Variants in BCL9 observed in about 807,000 individuals in gnomAD.
The protein encoded by BCL9 is BCL9 transcription coactivator, also known as B-cell CLL/lymphoma 9 protein.
A neutral mutation model predicts 88.5 loss-of-function variants in BCL9; 25 were observed. The observed-to-expected ratio is 0.28, with a 90% confidence interval of 0.21 to 0.39. The LOEUF is 0.39. BCL9 is among the 10% of genes least tolerant of loss of function. The pLI, the probability that BCL9 is intolerant of heterozygous loss-of-function variation, is 1.00. For synonymous variants in BCL9, 711 were observed against 673.3 expected (o/e 1.06, Z -0.87); for missense variants, 1,817 against 1,877.8 (o/e 0.97, Z 0.60).
intron 3 of BCL9, among the ~76,000 whole-genome samples, chr1:147,609,205 A>T (rs587608520): frequency 6.6e-6 from 1 of 152,314 alleles, no homozygotes; most frequent in African/African-American, 2.4e-5. Context: ...CAGTCCTTAA[A>T]GGTGGTTAAA....
In BCL9 at chr1:147,559,695, A is replaced by G. The variant is rs199624806; in HGVS notation, c.-478+18021A>G. The stretch of plus-strand genomic sequence containing the variant: ...TTTTGACCCCAAGGAGCCAAATGTT[A>G]TAATAGAAATGTACTCTCTTCCTTC... On this transcript the variant is annotated intron_variant, in intron 1 of 9. Coordinates refer to ENST00000234739, the MANE Select transcript of BCL9 (RefSeq NM_004326.4). Among the ~76,000 whole-genome samples, 18 of 152,332 alleles carry G rather than the reference A, an allele frequency of 1.2e-4. No individual in the cohort carries two copies. The East Asian group carries it at 1.3e-3, about 11-fold the overall frequency.
chr1:147,620,817 A>G lies in BCL9; in HGVS notation c.2662A>G (p.Thr888Ala). 6.2e-7 allele frequency: 1 copy of G among 1,613,838 alleles called. No individual in the cohort carries two copies. ...SPSGNLKSPQTPSQLAGMLAG... is the reference protein window; with the variant it reads ...SPSGNLKSPQAPSQLAGMLAG... ...CTCGGGGAACCTCAAGTCCCCCCAG[A>G]CTCCATCGCAGCTGGCAGGCATGCT... The change falls in exon 8 of 10, where the codon ACT (threonine) becomes GCT (alanine). Residue 888 changes from threonine (T) to alanine (A), a missense_variant. Physicochemically the swap from Thr to Ala is moderately conservative, Grantham distance 58. Coordinates refer to ENST00000234739, the MANE Select transcript of BCL9 (RefSeq NM_004326.4).
At chr1:147,571,098 G>A (rs1450526589) in intron 1 of BCL9, among the ~76,000 whole-genome samples, 4 of 152,054 alleles carry the variant, frequency 2.6e-5, no homozygotes, top group African/African-American at 9.7e-5. Context: ...ACGTTCCAAG[G>A]CATGTCTCAT....
chr1:147,585,693 T>C (rs1476319871), intron 1 of BCL9, among the ~76,000 whole-genome samples: 10 of 152,184 alleles, frequency 6.6e-5, no homozygotes, highest in South Asian at 6.2e-4. Context: ...TTTATTATTA[T>C]GGTGAACTGG....
At chr1:147,561,373 A>C (rs942982069) in intron 1 of BCL9, among the ~76,000 whole-genome samples, 1 of 152,182 alleles carries the variant, frequency 6.6e-6, no homozygotes, top group African/African-American at 2.4e-5. Flanking sequence ...GCAACTCCCA[A>C]GTGACTTGTT....
intron 3 of BCL9, among the ~76,000 whole-genome samples, chr1:147,609,556 A>G (rs1397220490): frequency 2.6e-5 from 4 of 152,274 alleles, no homozygotes; most frequent in African/African-American, 9.6e-5. Context: ...ATGCCTGTCA[A>G]TCAAAGTCAG....
rs1553205885 is a variant in BCL9 at position 147,623,827 on chromosome 1, T to C, written c.3164-15T>C. 5 of 1,594,544 alleles carry C rather than the reference T, an allele frequency of 3.1e-6. No homozygotes were observed. The Admixed American group carries it at 8.7e-5, about 28-fold the overall frequency. ...TTTGGTTAAGTTGATTCCTTTGATA[T>C]CTTTATTTTTCTAGGAATGGGCATT... On this transcript the variant is annotated splice_polypyrimidine_tract_variant and intron_variant, in intron 9 of 9. Transcript: ENST00000234739.
intron 1 of BCL9, among the ~76,000 whole-genome samples, chr1:147,557,263 T>C (rs1553195553): frequency 6.6e-6 from 1 of 152,186 alleles, no homozygotes; most frequent in African/African-American, 2.4e-5. Context: ...CTAGATACAT[T>C]CTTATGTGAG....
At chr1:147,584,411 C>T (rs1553198940) in intron 1 of BCL9, among the ~76,000 whole-genome samples, 2 of 152,154 alleles carry the variant, frequency 1.3e-5, no homozygotes, top group South Asian at 2.1e-4. Context: ...CTCTGGCCTA[C>T]AGAACCTCTG....
chr1:147,616,718 G>A (rs939437019), intron 7 of BCL9, among the ~76,000 whole-genome samples: 1 of 151,460 alleles, frequency 6.6e-6, no homozygotes, highest in Non-Finnish European at 1.5e-5. Context: ...AGTGAGCCGA[G>A]ATTGTGCCAC....
At chr1:147,581,331 CTG>C (rs1656361810) in intron 1 of BCL9, among the ~76,000 whole-genome samples, 2 of 152,122 alleles carry the variant, frequency 1.3e-5, no homozygotes, top group African/African-American at 2.4e-5. Context: ...CTAGACCAAA[CTG>C]TGAAATAGCT....
At chr1:147,569,027 A>G (rs757570849) in intron 1 of BCL9, among the ~76,000 whole-genome samples, 3 of 151,806 alleles carry the variant, frequency 2.0e-5, no homozygotes, top group Non-Finnish European at 4.4e-5. Context: ...AGTGACAAAA[A>G]TTATTAATAG....
intron 1 of BCL9, among the ~76,000 whole-genome samples, chr1:147,586,009 C>T (rs1453619810): frequency 6.6e-6 from 1 of 152,166 alleles, no homozygotes; most frequent in Non-Finnish European, 1.5e-5. Flanking sequence ...GTGCTCCATC[C>T]TGTATCCCAC....
chr1:147,544,552 C>T (rs890451126), intron 1 of BCL9, among the ~76,000 whole-genome samples: 3 of 152,126 alleles, frequency 2.0e-5, no homozygotes, highest in African/African-American at 7.2e-5. Flanking sequence ...TCATGTTGAC[C>T]GTGGTTAGTG....
intron 3 of BCL9, among the ~76,000 whole-genome samples, chr1:147,609,476 CT>C (rs1252408398): frequency 2.6e-5 from 4 of 152,230 alleles, no homozygotes; most frequent in African/African-American, 9.6e-5. Context: ...GAGCCAGGGT[CT>C]GAGAGCAGTG....
intron 1 of BCL9, among the ~76,000 whole-genome samples, chr1:147,565,024 G>C (rs1358935380): frequency 2.6e-5 from 4 of 152,150 alleles, no homozygotes; most frequent in Non-Finnish European, 4.4e-5. Flanking sequence ...AGTGCAGATA[G>C]AGAACATTTC....
chr1:147,618,070 G>A (rs587720389), intron 7 of BCL9, among the ~76,000 whole-genome samples: 10 of 152,320 alleles, frequency 6.6e-5, no homozygotes, highest in African/African-American at 2.2e-4. Context: ...CTGCCTATTG[G>A]AAAGAACAGT....
At chr1:147,576,192 C>A (rs1189073196) in intron 1 of BCL9, among the ~76,000 whole-genome samples, 1 of 151,956 alleles carries the variant, frequency 6.6e-6, no homozygotes, top group African/African-American at 2.4e-5. Context: ...TTTGTTTATT[C>A]TTTAAAAAAG....
rs1658490586 is a variant in BCL9 at position 147,619,504 on chromosome 1, T to C, written c.1349T>C (p.Met450Thr). ...FSPDEMVPPSMNSQSGTIGPD... is the reference protein window; with the variant it reads ...FSPDEMVPPSTNSQSGTIGPD... ...CCAGATGAAATGGTTCCACCTTCTATGAACTCCCAGTCTGGGACCATAGGA... is the reference window on the plus strand; with the variant it reads ...CCAGATGAAATGGTTCCACCTTCTACGAACTCCCAGTCTGGGACCATAGGA... Residue 450 changes from methionine (M) to threonine (T), a missense_variant, in exon 8 of 10, where the codon ATG becomes ACG. Around this residue, in one of 2 missense-constraint regions of BCL9, gnomAD observed 1,228 missense variants for 1,191.6 expected, o/e 1.03. Coordinates refer to ENST00000234739, the MANE Select transcript of BCL9 (RefSeq NM_004326.4). The surrounding 1 kb of genome is among the most constrained non-coding windows in gnomAD (Gnocchi z 4.1). 1 of 1,613,980 alleles carries C rather than the reference T, an allele frequency of 6.2e-7. No individual in the cohort carries two copies. Among genetic ancestry groups the C allele is most frequent in the African/African-American group, 1.3e-5 (1 of 74,886 alleles).
Sources: gnomAD v4.1 joint callset for allele counts (sites outside exome capture counted in the v4.1 genomes callset) on GRCh38, gnomAD v4.1.1 for gene constraint, gnomAD v4.1.1 regional missense constraint, Gnocchi (gnomAD v3.1) non-coding constraint, MANE v1.5 for transcripts, NCBI Gene and HGNC (gene_info 2026-07-23, HGNC 2026-07-21) for gene names.